MGAT4C: variants seen among roughly 807,000 people sequenced by gnomAD.
MGAT4C encodes MGAT4 family member C, also known as alpha-1,3-mannosyl-glycoprotein 4-beta-N-acetylglucosaminyltransferase C.
A neutral mutation model predicts 40.1 loss-of-function variants in MGAT4C; 19 were observed. The observed-to-expected ratio is 0.47, with a 90% CI of 0.33 to 0.70. The LOEUF (loss-of-function observed/expected upper bound fraction) is 0.70, where lower values mean the gene tolerates loss of function less well. MGAT4C is among the 30% of genes least tolerant of loss of function. The pLI, the probability that MGAT4C is intolerant of heterozygous loss-of-function variation, is 0.02. For synonymous variants in MGAT4C, 181 were observed against 187.1 expected (o/e 0.97, Z 0.27); for missense variants, 491 against 563.2 (o/e 0.87, Z 1.30).
chr12:86,151,333 C>T (rs570704280), intron 1 of MGAT4C, among the ~76,000 whole-genome samples: 1 of 152,018 alleles, frequency 6.6e-6, no homozygotes, highest in South Asian at 2.1e-4. Context: ...TTGACACTGG[C>T]CGGGCGCGGT....
chr12:86,747,833 G>C (rs1376158228), intron 1 of MGAT4C, among the ~76,000 whole-genome samples: 1 of 151,324 alleles, frequency 6.6e-6, no homozygotes, highest in Non-Finnish European at 1.5e-5. Context: ...AAAGACGATA[G>C]ACCTGAGTTG....
Position 86,692,896 on chromosome 12 carries a change from G to A in MGAT4C, c.-229+34313C>T, listed in dbSNP as rs567287213. ...ATGTGCTTGGGATCATGTATGGCATGGAAGAATATCAAGCAGAGGGGAATA... is the reference window on the plus strand; with the variant it reads ...ATGTGCTTGGGATCATGTATGGCATAGAAGAATATCAAGCAGAGGGGAATA... On this transcript the variant is annotated intron_variant, in intron 2 of 7. Transcript: ENST00000548651. 5.9e-5 allele frequency among the ~76,000 whole-genome samples: 9 copies of A among 152,216 alleles called. No individual in the cohort carries two copies. In the South Asian group the frequency reaches 1.9e-3, roughly 32 times the overall value.
chr12:86,827,160 C>G (rs766880134), intron 1 of MGAT4C, among the ~76,000 whole-genome samples: 2 of 151,326 alleles, frequency 1.3e-5, no homozygotes, highest in South Asian at 2.1e-4. Flanking sequence ...CATCTAAAAT[C>G]ATTTTAATTG....
chr12:86,028,556 G>T lies in MGAT4C; in HGVS notation c.-7+21118C>A, dbSNP rs942040624. Among the ~76,000 whole-genome samples, 8 of 152,016 alleles carry T rather than the reference G, an allele frequency of 5.3e-5. 1 individual carries two copies. In the South Asian group the frequency reaches 1.2e-3, roughly 24 times the overall value. On this transcript the variant is annotated intron_variant, in intron 2 of 4. Coordinates refer to ENST00000611864, the MANE Select transcript of MGAT4C (RefSeq NM_001351288.2). ...AGAAATTAGGCCCAGGTGTACCTCAGAAATGTTCCCTAACAGTTTTGATTA... is the reference window on the plus strand; with the variant it reads ...AGAAATTAGGCCCAGGTGTACCTCATAAATGTTCCCTAACAGTTTTGATTA...
chr12:86,114,052 C>A (rs536932366), intron 1 of MGAT4C, among the ~76,000 whole-genome samples: 1 of 151,938 alleles, frequency 6.6e-6, no homozygotes, highest in East Asian at 1.9e-4. Flanking sequence ...CTGTGTCTAC[C>A]TTTTGCACCT....
intron 4 of MGAT4C, among the ~76,000 whole-genome samples, chr12:86,295,389 C>T (rs928402434): frequency 6.6e-6 from 1 of 152,170 alleles, no homozygotes; most frequent in African/African-American, 2.4e-5. Flanking sequence ...AGTGTTACAG[C>T]TCTTAAGGCA....
chr12:86,776,568 C>A lies in MGAT4C; in HGVS notation c.-261-49327G>T, dbSNP rs1443140577. Among the ~76,000 whole-genome samples, 19 of 152,064 alleles carry A rather than the reference C, an allele frequency of 1.2e-4. No homozygotes were observed. The East Asian group carries it at 3.7e-3, about 29-fold the overall frequency. ...CTACTTTCTAAGTGATCATTTAGAG[C>A]AATGTCTTTCTCAAAGTCTTGTATG... On this transcript the variant is annotated intron_variant, in intron 1 of 7. Transcript: ENST00000548651.
At chr12:85,998,259 C>A (rs1886869428) in intron 2 of MGAT4C, among the ~76,000 whole-genome samples, 2 of 152,130 alleles carry the variant, frequency 1.3e-5, no homozygotes, top group Admixed American at 6.5e-5. Flanking sequence ...ATCTGGGTCT[C>A]ACCTATGAAA....
At chr12:86,482,468 G>T (rs920823395) in intron 2 of MGAT4C, among the ~76,000 whole-genome samples, 1 of 151,802 alleles carries the variant, frequency 6.6e-6, no homozygotes, top group Non-Finnish European at 1.5e-5. Flanking sequence ...TCGGGATAAG[G>T]ATAATCTCTT....
intron 2 of MGAT4C, among the ~76,000 whole-genome samples, chr12:86,491,445 C>A (rs1345259127): frequency 6.6e-6 from 1 of 152,016 alleles, no homozygotes; most frequent in African/African-American, 2.4e-5. Context: ...AGCTTATCCA[C>A]CAAGATCAAG....
chr12:86,194,569 C>T (rs1487056019), intron 1 of MGAT4C, among the ~76,000 whole-genome samples: 1 of 151,652 alleles, frequency 6.6e-6, no homozygotes, highest in African/African-American at 2.4e-5. Flanking sequence ...ATTCTCCTGT[C>T]TCAGCCTCCC....
At chr12:86,304,309 A>C (rs1203254712) in intron 4 of MGAT4C, among the ~76,000 whole-genome samples, 1 of 150,590 alleles carries the variant, frequency 6.6e-6, no homozygotes, top group Non-Finnish European at 1.5e-5. Flanking sequence ...TGTTCTGCTG[A>C]TTTTGTGAAA....
chr12:86,715,192 A>G (rs974256001), intron 2 of MGAT4C, among the ~76,000 whole-genome samples: 2 of 152,194 alleles, frequency 1.3e-5, no homozygotes, highest in Admixed American at 1.3e-4. Flanking sequence ...CAAGTTTTCA[A>G]GAATCTGAAT....
At chr12:86,810,217 T>C (rs910013210) in intron 1 of MGAT4C, among the ~76,000 whole-genome samples, 1 of 151,974 alleles carries the variant, frequency 6.6e-6, no homozygotes, top group African/African-American at 2.4e-5. Flanking sequence ...TCTTAAAACA[T>C]TTAGGCATTT....
chr12:86,012,297 C>A (rs1028954730), intron 2 of MGAT4C, among the ~76,000 whole-genome samples: 2 of 152,132 alleles, frequency 1.3e-5, no homozygotes, highest in Non-Finnish European at 2.9e-5. Context: ...AGTTTCTGAT[C>A]CAAGGCTATT....
At chr12:86,384,696 T>G (rs528345818) in intron 3 of MGAT4C, among the ~76,000 whole-genome samples, 1 of 152,260 alleles carries the variant, frequency 6.6e-6, no homozygotes, top group Non-Finnish European at 1.5e-5. Flanking sequence ...ATTTCCTTTT[T>G]GTATCAGAAA....
chr12:86,764,414 T>C (rs1310336085), intron 1 of MGAT4C, among the ~76,000 whole-genome samples: 2 of 152,152 alleles, frequency 1.3e-5, no homozygotes, highest in Non-Finnish European at 2.9e-5. Context: ...CCGGCCTCTG[T>C]AGGCTCCACC....
chr12:86,038,127 G>T (rs1891424722), intron 2 of MGAT4C, among the ~76,000 whole-genome samples: 1 of 149,582 alleles, frequency 6.7e-6, no homozygotes, highest in Admixed American at 6.7e-5. Context: ...AGAATGTGGG[G>T]GTCGAAAGGG....
intron 2 of MGAT4C, among the ~76,000 whole-genome samples, chr12:86,710,080 AT>A (rs1950530992): frequency 6.6e-6 from 1 of 152,298 alleles, no homozygotes; most frequent in Non-Finnish European, 1.5e-5. Flanking sequence ...TTCTATCCCC[AT>A]AAAAATCTGA....
Sources: allele counts gnomAD v4.1 joint callset (sites outside exome capture counted in the v4.1 genomes callset), GRCh38; gene constraint gnomAD v4.1.1; transcripts MANE v1.5; gene names NCBI Gene and HGNC (gene_info 2026-07-23, HGNC 2026-07-21).